Variants in PDZRN4 observed in about 807,000 individuals in gnomAD.
PDZRN4 encodes PDZ domain-containing RING finger protein 4.
In PDZRN4, 70 loss-of-function variants were observed where a neutral mutation model predicts 99.0. The ratio of observed to expected loss-of-function variants is 0.71; its 90% confidence interval spans 0.58 to 0.86. The LOEUF is 0.86. PDZRN4 is among the 40% of genes least tolerant of loss of function. The pLI, the probability that PDZRN4 is intolerant of heterozygous loss-of-function variation, is 0.00. For missense variants in PDZRN4, 1,474 were observed against 1,331.2 expected, an observed-to-expected ratio of 1.11 and a Z score of -1.67; for synonymous variants, 551 against 501.6, an observed-to-expected ratio of 1.10 and a Z score of -1.32.
chr12:41,510,204 T>C (rs1215335931), intron 5 of PDZRN4, among the ~76,000 whole-genome samples: 1 of 152,168 alleles, frequency 6.6e-6, no homozygotes. Context: ...TATATGTGGA[T>C]TTCCAAGTGG....
intron 9 of PDZRN4, among the ~76,000 whole-genome samples, chr12:41,570,626 G>A (rs1319372918): frequency 6.6e-6 from 1 of 151,948 alleles, no homozygotes; most frequent in Non-Finnish European, 1.5e-5. Context: ...TTCAGCTCAT[G>A]ACAAGATATT....
intron 3 of PDZRN4, among the ~76,000 whole-genome samples, chr12:41,421,866 T>G (rs10785266): frequency 0.48 from 73,385 of 152,052 alleles, 18,030 homozygotes; most frequent in African/African-American, 0.58. Context: ...ACATGTATCA[T>G]ATGTTTATAA....
At position 41,534,677 on chromosome 12, in the gene PDZRN4, AT is replaced by A. The variant is rs1335495769; in HGVS notation, c.1204-17978del. ...ACTTAGGTTTTTTGTTTGTCTGAAA[AT>A]ATCTTTACTTTACCCTTGTTCCAAA... On this transcript the variant is annotated intron_variant, in intron 5 of 9. Coordinates refer to ENST00000402685, the MANE Select transcript of PDZRN4 (RefSeq NM_001164595.2). 2.6e-5 allele frequency among the ~76,000 whole-genome samples: 4 copies of A among 152,260 alleles called. No individual in the cohort carries two copies. In the East Asian group the frequency reaches 7.7e-4, roughly 29 times the overall value.
At chr12:41,338,069 G>A (rs1369611118) in intron 3 of PDZRN4, among the ~76,000 whole-genome samples, 1 of 152,034 alleles carries the variant, frequency 6.6e-6, no homozygotes, top group Non-Finnish European at 1.5e-5. Flanking sequence ...CCTATGTGCT[G>A]TCTTTGTAGT....
At chr12:41,336,885 A>G (rs1279552880) in intron 3 of PDZRN4, among the ~76,000 whole-genome samples, 1 of 151,790 alleles carries the variant, frequency 6.6e-6, no homozygotes, top group Non-Finnish European at 1.5e-5. Flanking sequence ...CATCCAGGGC[A>G]GGGTCTGCAA....
intron 6 of PDZRN4, 25 bp downstream of exon 6, chr12:41,552,779 T>G (rs755045107): frequency 5.3e-5 from 82 of 1,550,172 alleles, no homozygotes; most frequent in Non-Finnish European, 6.9e-5. Context: ...GGAGGGGAAA[T>G]TCGAGGAGGG....
intron 3 of PDZRN4, among the ~76,000 whole-genome samples, chr12:41,360,667 TTTTTCATAAACTGAA>T (rs781575596): frequency 6.6e-6 from 1 of 152,062 alleles, no homozygotes. Flanking sequence ...ATTTTATACA[TTTTTCATAAACTGAA>T]TAGACTAAAG....
chr12:41,460,183 A>G, intron 3 of PDZRN4: 1 of 794,854 alleles, frequency 1.3e-6, no homozygotes, highest in Non-Finnish European at 1.7e-6. Flanking sequence ...GTTTAACAAG[A>G]GTTTATTCCT....
At chr12:41,560,560 C>T (rs1939251865) in intron 7 of PDZRN4, among the ~76,000 whole-genome samples, 1 of 152,128 alleles carries the variant, frequency 6.6e-6, no homozygotes, top group Non-Finnish European at 1.5e-5. Context: ...TCTTGGTTCT[C>T]TTTCCCTCTA....
chr12:41,529,859 A>G (rs1938630346), intron 5 of PDZRN4, among the ~76,000 whole-genome samples: 1 of 152,136 alleles, frequency 6.6e-6, no homozygotes, highest in Admixed American at 6.5e-5. Context: ...TGTGCTGATC[A>G]TATCCTCTTC....
intron 3 of PDZRN4, among the ~76,000 whole-genome samples, chr12:41,487,694 C>G (rs1473281447): frequency 1.3e-5 from 2 of 152,118 alleles, no homozygotes; most frequent in Non-Finnish European, 2.9e-5. Context: ...GTATCTGAAG[C>G]CCTGATATCT....
At chr12:41,382,022 C>T (rs1458124235) in intron 3 of PDZRN4, among the ~76,000 whole-genome samples, 2 of 152,186 alleles carry the variant, frequency 1.3e-5, no homozygotes, top group East Asian at 3.8e-4. Flanking sequence ...ACTCCATAGT[C>T]AGGCAGGGCT....
At chr12:41,418,238 A>G (rs1033973890) in intron 3 of PDZRN4, among the ~76,000 whole-genome samples, 2 of 152,224 alleles carry the variant, frequency 1.3e-5, no homozygotes, top group Admixed American at 1.3e-4. Context: ...TAAAATCTAA[A>G]TTGAAAAACT....
In PDZRN4 at chr12:41,191,527, G is replaced by A; in HGVS notation, c.718G>A (p.Gly240Arg). 11 of 1,543,292 alleles carry A rather than the reference G, an allele frequency of 7.1e-6. No individual in the cohort carries two copies. The highest frequency in any genetic ancestry group is 8.9e-6 in the Non-Finnish European group (10 of 1,129,850). Residue 240 changes from glycine to arginine, a missense_variant, in exon 2 of 10, where the codon GGA (glycine) becomes AGA (arginine). Physicochemically the swap from Gly to Arg is moderately radical, Grantham distance 125. Transcript: ENST00000402685. ...TGACACTTTGGGATTCAATATTATAGGAGGTCGACCAAATCAGGTAAAACA... is the reference window on the plus strand; with the variant it reads ...TGACACTTTGGGATTCAATATTATAAGAGGTCGACCAAATCAGGTAAAACA... Reference protein sequence around the residue: ...ENDTLGFNIIGGRPNQNNQEG... With the variant: ...ENDTLGFNIIRGRPNQNNQEG...
intron 5 of PDZRN4, among the ~76,000 whole-genome samples, chr12:41,537,717 G>C (rs1235514141): frequency 1.3e-5 from 2 of 152,178 alleles, no homozygotes; most frequent in African/African-American, 2.4e-5. Context: ...AGATAGAACA[G>C]TTAGGAAAGA....
intron 3 of PDZRN4, among the ~76,000 whole-genome samples, chr12:41,495,716 G>A (rs1188380559): frequency 6.6e-6 from 1 of 152,044 alleles, no homozygotes; most frequent in African/African-American, 2.4e-5. Context: ...CATGACCCAT[G>A]GAGGACATTA....
intron 3 of PDZRN4, among the ~76,000 whole-genome samples, chr12:41,290,135 AC>A (rs1951448134): frequency 6.6e-6 from 1 of 152,208 alleles, no homozygotes; most frequent in Non-Finnish European, 1.5e-5. Flanking sequence ...GTGCTTTGGA[AC>A]AGAATCCTCT....
intron 3 of PDZRN4, among the ~76,000 whole-genome samples, chr12:41,365,272 T>C (rs1951990687): frequency 6.6e-6 from 1 of 152,174 alleles, no homozygotes; most frequent in Non-Finnish European, 1.5e-5. Context: ...CTAAAGTTTC[T>C]AGCAAATTGT....
At chr12:41,225,887 T>G (rs1950990782) in intron 3 of PDZRN4, among the ~76,000 whole-genome samples, 1 of 152,142 alleles carries the variant, frequency 6.6e-6, no homozygotes, top group Non-Finnish European at 1.5e-5. Flanking sequence ...TCTGAGCTAT[T>G]CTGGAGCCAG....
Sources: gnomAD v4.1 joint callset for allele counts (sites outside exome capture counted in the v4.1 genomes callset) on GRCh38, gnomAD v4.1.1 for gene constraint, MANE v1.5 for transcripts, NCBI Gene and HGNC (gene_info 2026-07-23, HGNC 2026-07-21) for gene names.